The following ITGA1 variants were observed in gnomAD, a reference collection of about 807,000 sequenced individuals.
The protein encoded by ITGA1 is integrin alpha-1.
A neutral mutation model predicts 145.9 loss-of-function variants in ITGA1; 85 were observed. The observed-to-expected ratio is 0.58, with a 90% CI of 0.49 to 0.70. The LOEUF (loss-of-function observed/expected upper bound fraction) is 0.70, where lower values mean the gene tolerates loss of function less well. Ranked by LOEUF, ITGA1 falls within the 30% of genes least tolerant of loss-of-function variation. ITGA1 has a pLI of 0.00. For missense variants in ITGA1, 1,351 were observed against 1,418.7 expected (o/e 0.95, Z 0.77); for synonymous variants, 520 against 495.3 (o/e 1.05, Z -0.66).
chr5:52,861,728 G>C (rs1046033440), intron 3 of ITGA1, among the ~76,000 whole-genome samples, 169 bp downstream of exon 3: 1 of 151,896 alleles, frequency 6.6e-6, no homozygotes, highest in African/African-American at 2.4e-5. Context: ...AAAATAGCTG[G>C]ATGGGGTGGT....
intron 1 of ITGA1, among the ~76,000 whole-genome samples, chr5:52,826,672 A>G (rs1019486535): frequency 1.3e-5 from 2 of 152,188 alleles, no homozygotes; most frequent in African/African-American, 4.8e-5. Flanking sequence ...CAAAAATCCT[A>G]GGGCCCTTAA....
rs950458754 is a variant in ITGA1 at position 52,958,038 on chromosome 5, C to G, written c.*5587C>G. The G allele has an allele frequency of 1.3e-5, 2 of 152,108 alleles. No individual in the cohort carries two copies. Among genetic ancestry groups the G allele is most frequent in the Admixed American group, 6.6e-5 (1 of 15,248 alleles). The allele number at this position is 152,108 out of a possible 1,614,324, so 9.4% of individuals were successfully genotyped here. On this transcript the variant is annotated 3_prime_UTR_variant, in exon 29 of 29. Coordinates refer to ENST00000282588, the MANE Select transcript of ITGA1 (RefSeq NM_181501.2). ...AGCCAGTTGTGGTCTTGAAAAATCT[C>G]TCTATTGCATTACTTATCCTCACCC...
intron 1 of ITGA1, among the ~76,000 whole-genome samples, chr5:52,808,190 G>A (rs778835157): frequency 1.5e-4 from 23 of 152,200 alleles, no homozygotes; most frequent in Non-Finnish European, 2.9e-4. Flanking sequence ...TACATTCAGT[G>A]TATTCTGTTA....
Position 52,905,624 on chromosome 5 carries a change from C to T in ITGA1, c.1310-139C>T, listed in dbSNP as rs1273318990. On this transcript the variant is annotated intron_variant, in intron 11 of 28. Transcript: ENST00000282588. ...AAGCTTCCACCAAAACAAATTCTTA[C>T]GTGCATTGAAGAAAAAATATTATTT... 26 of 632,664 alleles carry T rather than the reference C, an allele frequency of 4.1e-5. 1 individual carries two copies. The highest frequency in any genetic ancestry group is 3.9e-5 in the South Asian group (1 of 25,586). The allele number at this position is 632,664 out of a possible 1,614,324, so 39.2% of individuals were successfully genotyped here. A position where few individuals can be genotyped will look rare whatever the true frequency, so the allele number is the denominator to read the frequency against.
At chr5:52,800,432 C>G in intron 1 of ITGA1, 1 of 1,613,918 alleles carries the variant, frequency 6.2e-7, no homozygotes, top group Non-Finnish European at 8.5e-7. Flanking sequence ...AAGGACAATG[C>G]GGGCCAGGTG....
chr5:52,912,506 TATA>T (rs1750575641), intron 14 of ITGA1, among the ~76,000 whole-genome samples: 1 of 121,178 alleles, frequency 8.3e-6, no homozygotes, highest in Non-Finnish European at 1.7e-5. Flanking sequence ...GTGTATCCAC[TATA>T]GGTATTATAT....
intron 8 of ITGA1, 117 bp downstream of exon 8, chr5:52,888,082 T>C: frequency 9.4e-7 from 1 of 1,066,476 alleles, no homozygotes; most frequent in Non-Finnish European, 1.3e-6. Flanking sequence ...AGGTCTCCAT[T>C]TGAAGGTAAG....
chr5:52,934,315 A>G (rs894361830), intron 23 of ITGA1, among the ~76,000 whole-genome samples: 1 of 151,646 alleles, frequency 6.6e-6, no homozygotes, highest in African/African-American at 2.4e-5. Context: ...AAAATAAACT[A>G]TGGGACTAGA....
intron 1 of ITGA1, among the ~76,000 whole-genome samples, chr5:52,832,695 C>T (rs1315811620): frequency 6.6e-6 from 1 of 151,170 alleles, no homozygotes; most frequent in Non-Finnish European, 1.5e-5. Flanking sequence ...AACTTGGAAG[C>T]AGATTTAAAT....
intron 2 of ITGA1, among the ~76,000 whole-genome samples, chr5:52,852,949 A>G (rs1749451190): frequency 6.6e-6 from 1 of 152,222 alleles, no homozygotes; most frequent in African/African-American, 2.4e-5. Context: ...AATAGATTTC[A>G]TCTCTACACT....
chr5:52,873,086 A>G (rs965718562), intron 6 of ITGA1, among the ~76,000 whole-genome samples: 21 of 152,206 alleles, frequency 1.4e-4, no homozygotes, highest in African/African-American at 4.6e-4. Flanking sequence ...TTATGTTGAA[A>G]AAATGGGAGT....
chr5:52,912,441 A>C (rs1449178345), intron 14 of ITGA1, among the ~76,000 whole-genome samples: 1 of 145,820 alleles, frequency 6.9e-6, no homozygotes. Context: ...TATTATATAT[A>C]GTGTATCCAC....
At chr5:52,893,271 GCAGGCAACT>G (rs1389576796) in intron 8 of ITGA1, among the ~76,000 whole-genome samples, 2 of 152,144 alleles carry the variant, frequency 1.3e-5, no homozygotes, top group Non-Finnish European at 2.9e-5. Context: ...TCATTCAAAA[GCAGGCAACT>G]CACTTGCTGA....
At chr5:52,818,423 C>G (rs1231153787) in intron 1 of ITGA1, among the ~76,000 whole-genome samples, 1 of 152,184 alleles carries the variant, frequency 6.6e-6, no homozygotes, top group Non-Finnish European at 1.5e-5. Flanking sequence ...ATGGCCAAGA[C>G]AGGATATTCT....
At chr5:52,790,328 T>A (rs962649982) in intron 1 of ITGA1, among the ~76,000 whole-genome samples, 1 of 152,184 alleles carries the variant, frequency 6.6e-6, no homozygotes, top group African/African-American at 2.4e-5. Context: ...TCCAACACCC[T>A]CTCTCTATCT....
chr5:52,881,472 AC>A (rs559896327), intron 6 of ITGA1, among the ~76,000 whole-genome samples: 51 of 152,252 alleles, frequency 3.3e-4, no homozygotes, highest in African/African-American at 1.2e-3. Context: ...ATTTTCCCAT[AC>A]AGTCCTTTCC....
intron 1 of ITGA1, among the ~76,000 whole-genome samples, chr5:52,815,283 C>G (rs537966279): frequency 7.1e-4 from 108 of 152,304 alleles, no homozygotes; most frequent in African/African-American, 2.6e-3. Flanking sequence ...CAGTGTTTCT[C>G]TCCTACTTTC....
At chr5:52,793,079 C>T (rs1748272918) in intron 1 of ITGA1, among the ~76,000 whole-genome samples, 1 of 152,034 alleles carries the variant, frequency 6.6e-6, no homozygotes, top group Non-Finnish European at 1.5e-5. Flanking sequence ...AACGTCATTT[C>T]CAAGAGATAC....
Position 52,925,888 on chromosome 5 carries a change from T to C in ITGA1, c.2613+401T>C, listed in dbSNP as rs185732227. On this transcript the variant is annotated intron_variant, in intron 19 of 28. Transcript: ENST00000282588. ...AAAATCAAGATACCATATCTCCCTT[T>C]CTATGCAAAATCCTTACTTTGGCAA... Among the ~76,000 whole-genome samples the C allele has an allele frequency of 3.9e-5, 6 of 152,294 alleles. No individual in the cohort carries two copies. The East Asian group carries it at 1.2e-3, about 29-fold the overall frequency.
Sources: allele counts gnomAD v4.1 joint callset (sites outside exome capture counted in the v4.1 genomes callset), GRCh38; gene constraint gnomAD v4.1.1; transcripts MANE v1.5; gene names NCBI Gene and HGNC (gene_info 2026-07-23, HGNC 2026-07-21).